The following APBB2 variants were observed in gnomAD, a reference collection of about 807,000 sequenced individuals.
APBB2 encodes the protein amyloid beta precursor protein binding family B member 2.
In APBB2, 38 loss-of-function variants were observed where a neutral mutation model predicts 82.5. The ratio of observed to expected loss-of-function variants is 0.46; its 90% CI spans 0.36 to 0.60. The LOEUF (loss-of-function observed/expected upper bound fraction) is 0.60, where lower values mean the gene tolerates loss of function less well. Among genes scored for constraint, APBB2 ranks in the 20% least tolerant of loss-of-function variants. The pLI is 0.00. For missense variants in APBB2, 772 were observed against 972.3 expected, an observed-to-expected ratio of 0.79 and a Z score of 2.74; for synonymous variants, 341 against 368.2, an observed-to-expected ratio of 0.93 and a Z score of 0.85.
At chr4:41,054,784 G>C (rs1265153588) in intron 4 of APBB2, among the ~76,000 whole-genome samples, 1 of 152,020 alleles carries the variant, frequency 6.6e-6, no homozygotes, top group South Asian at 2.1e-4. Context: ...GAGAAGCTTT[G>C]AGGTGCAGCT....
chr4:40,886,263 G>A (rs1770233775), intron 12 of APBB2, among the ~76,000 whole-genome samples: 1 of 152,224 alleles, frequency 6.6e-6, no homozygotes, highest in African/African-American at 2.4e-5. Flanking sequence ...TAGAGCACCT[G>A]AGGTCAGGAG....
rs751542226 is a variant in APBB2, at chr4:40,826,150, T to C, written c.1733-180A>G. 1 of 595,426 alleles carries C rather than the reference T, an allele frequency of 1.7e-6. No homozygotes were observed. The highest frequency in any genetic ancestry group is 3.0e-6 in the Non-Finnish European group (1 of 328,274). The allele number at this position is 595,426 out of a possible 1,614,324, so 36.9% of individuals were successfully genotyped here. A position where few individuals can be genotyped will look rare whatever the true frequency, so the allele number is the denominator to read the frequency against. On this transcript the variant is annotated intron_variant, in intron 14 of 17. Transcript: ENST00000508593. The surrounding 1 kb of genome is among the most constrained non-coding windows in gnomAD (Gnocchi z 4.5). ...AGCATTACTCCAGATATTGGGGCTCTGTTAAAATCCTGTTCAACTTTCAAG... is the reference window on the plus strand; with the variant it reads ...AGCATTACTCCAGATATTGGGGCTCCGTTAAAATCCTGTTCAACTTTCAAG...
chr4:40,991,010 CATTT>C (rs1247195932), intron 6 of APBB2, among the ~76,000 whole-genome samples: 11 of 128,652 alleles, frequency 8.6e-5, no homozygotes, highest in East Asian at 2.8e-4. Flanking sequence ...GACTGAGTTT[CATTT>C]TTTTTTTTTT....
At chr4:41,174,165 A>T (rs1769113639) in intron 1 of APBB2, among the ~76,000 whole-genome samples, 1 of 152,300 alleles carries the variant, frequency 6.6e-6, no homozygotes, top group East Asian at 1.9e-4. Context: ...GGCCCAGGCA[A>T]TATACTCAGG....
chr4:40,941,248 A>G (rs374012538), intron 7 of APBB2, among the ~76,000 whole-genome samples: 2 of 152,178 alleles, frequency 1.3e-5, no homozygotes, highest in East Asian at 1.9e-4. Context: ...CTCTCTTCTC[A>G]TGCTTTGAAA....
chr4:41,176,598 G>A (rs1276380479), intron 1 of APBB2, among the ~76,000 whole-genome samples: 1 of 152,076 alleles, frequency 6.6e-6, no homozygotes, highest in Non-Finnish European at 1.5e-5. Context: ...TACAAAAAAT[G>A]TCAGTAATTC....
chr4:40,850,764 A>AG (rs1415813086), intron 12 of APBB2, among the ~76,000 whole-genome samples: 13 of 152,234 alleles, frequency 8.5e-5, no homozygotes, highest in African/African-American at 3.1e-4. Context: ...CAACACAGTG[A>AG]GACCTCAGCT....
At chr4:40,868,464 A>T (rs1316467119) in intron 12 of APBB2, among the ~76,000 whole-genome samples, 1 of 152,234 alleles carries the variant, frequency 6.6e-6, no homozygotes, top group Non-Finnish European at 1.5e-5. Context: ...TGATCCAGTA[A>T]CCAATCTGAA....
chr4:41,197,198 C>T, intron 1 of APBB2, among the ~76,000 whole-genome samples: 4 of 151,956 alleles, frequency 2.6e-5, no homozygotes, highest in Non-Finnish European at 4.4e-5. Context: ...TTCTCCTGCT[C>T]GAACAATATG....
chr4:41,182,730 C>T (rs1771769238), intron 1 of APBB2, among the ~76,000 whole-genome samples: 1 of 152,166 alleles, frequency 6.6e-6, no homozygotes, highest in African/African-American at 2.4e-5. Flanking sequence ...AAGCAAGGCG[C>T]CTTCCTCACA....
intron 17 of APBB2, among the ~76,000 whole-genome samples, chr4:40,820,053 A>T (rs1382599231): frequency 1.3e-5 from 2 of 152,086 alleles, no homozygotes; most frequent in African/African-American, 4.8e-5. Context: ...TGTCTCCCCC[A>T]CTATACCTGA....
At chr4:41,111,449 T>G (rs1749168246) in intron 2 of APBB2, among the ~76,000 whole-genome samples, 1 of 152,238 alleles carries the variant, frequency 6.6e-6, no homozygotes, top group Admixed American at 6.5e-5. Context: ...GAACATTCTT[T>G]GGAGTAGCAA....
In APBB2 at chr4:40,946,124, C is replaced by T. The variant is rs1033181633; in HGVS notation, c.836-1051G>A. Among the ~76,000 whole-genome samples, 123 of 150,158 alleles carry T rather than the reference C, an allele frequency of 8.2e-4. 1 individual carries two copies. The highest frequency in any genetic ancestry group is 2.8e-4 in the Non-Finnish European group (19 of 67,728). ...GCGCACACCTGCAGTCCCAGTTACT[C>T]GGGAGGTGGAGGCAGGAGAAACGCT... On this transcript the variant is annotated intron_variant, in intron 6 of 17. Transcript: ENST00000508593.
chr4:40,838,010 TAA>T (rs967889797), intron 12 of APBB2, among the ~76,000 whole-genome samples: 15 of 152,132 alleles, frequency 9.9e-5, no homozygotes, highest in African/African-American at 3.6e-4. Flanking sequence ...TCAAATTTCT[TAA>T]TTAAAAAAAT....
At chr4:40,877,138 G>A (rs1328587910) in intron 12 of APBB2, among the ~76,000 whole-genome samples, 1 of 152,256 alleles carries the variant, frequency 6.6e-6, no homozygotes, top group Admixed American at 6.5e-5. Context: ...GTGAATGTAT[G>A]AATGCAGAAC....
intron 1 of APBB2, among the ~76,000 whole-genome samples, chr4:41,197,470 G>A: frequency 6.6e-6 from 1 of 152,182 alleles, no homozygotes; most frequent in Non-Finnish European, 1.5e-5. Flanking sequence ...CCCAAAGCCT[G>A]TGATCCCCAC....
At chr4:40,919,641 C>T (rs746307053) in intron 10 of APBB2, among the ~76,000 whole-genome samples, 4 of 152,194 alleles carry the variant, frequency 2.6e-5, no homozygotes, top group South Asian at 2.1e-4. Context: ...GTGACTCTGT[C>T]CACACAGCCG....
chr4:41,014,346 T>C lies in APBB2; in HGVS notation c.72A>G (p.Thr24=), dbSNP rs778898368. ...LAVFMASSGT[T]DVTNRNSPAT... is the part of the protein sequence containing the mutation. ...CTGGGCTGTTCCGATTTGTGACGTC[T>C]GTAGTTCCGCTGCTGGCCATAAACA... is the stretch of plus-strand genomic sequence containing the variant. Residue 24 remains threonine (T), a synonymous_variant, in exon 6 of 18, where the codon ACA becomes ACG. Coordinates refer to ENST00000508593, the MANE Select transcript of APBB2 (RefSeq NM_004307.2). 6.2e-7 allele frequency: 1 copy of C among 1,614,130 alleles called. No individual in the cohort carries two copies. Among genetic ancestry groups the C allele is most frequent in the Admixed American group, 1.7e-5 (1 of 60,016 alleles).
intron 12 of APBB2, chr4:40,857,174 G>A (rs1401103062): frequency 1.2e-5 from 12 of 985,330 alleles, no homozygotes; most frequent in East Asian, 1.1e-4. Context: ...CGGCGCCCGC[G>A]CCTCCCTGCG....
Sources: allele counts gnomAD v4.1 joint callset (sites outside exome capture counted in the v4.1 genomes callset), GRCh38; gene constraint gnomAD v4.1.1; non-coding constraint Gnocchi (gnomAD v3.1); transcripts MANE v1.5; gene names NCBI Gene and HGNC (gene_info 2026-07-23, HGNC 2026-07-21).